Variants in BBS9 observed in about 807,000 individuals in gnomAD.
The protein encoded by BBS9 is Bardet-Biedl syndrome 9, also known as protein PTHB1.
In BBS9, 89 loss-of-function variants were observed where a neutral mutation model predicts 117.7. The observed-to-expected ratio is 0.76, with a 90% CI of 0.64 to 0.90. BBS9 has a LOEUF of 0.90. Among genes scored for constraint, BBS9 ranks in the 40% least tolerant of loss-of-function variants. BBS9 has a pLI of 0.00. For synonymous variants in BBS9, 379 were observed against 370.9 expected, an observed-to-expected ratio of 1.02 and a Z score of -0.25; for missense variants, 982 against 1,042.2, an observed-to-expected ratio of 0.94 and a Z score of 0.80.
At chr7:33,370,870 G>C (rs936445261) in intron 17 of BBS9, among the ~76,000 whole-genome samples, 1 of 151,880 alleles carries the variant, frequency 6.6e-6, no homozygotes, top group South Asian at 2.1e-4. Context: ...ACATTGCCTT[G>C]TTCTACTTGC....
intron 19 of BBS9, among the ~76,000 whole-genome samples, chr7:33,466,470 G>A (rs527467669): frequency 1.3e-5 from 2 of 152,178 alleles, no homozygotes; most frequent in East Asian, 1.9e-4. Flanking sequence ...CTTGCAAATG[G>A]CAGGGCTAAC....
At chr7:33,491,430 G>T (rs1264521759) in intron 19 of BBS9, among the ~76,000 whole-genome samples, 1 of 152,180 alleles carries the variant, frequency 6.6e-6, no homozygotes, top group Non-Finnish European at 1.5e-5. Flanking sequence ...TATTGGCTCT[G>T]CCTCACAACT....
At chr7:33,308,525 A>T (rs1808504605) in intron 9 of BBS9, among the ~76,000 whole-genome samples, 1 of 152,194 alleles carries the variant, frequency 6.6e-6, no homozygotes, top group African/African-American at 2.4e-5. Context: ...CTGGTTATTC[A>T]CTAACGGTCT....
Position 33,223,683 on chromosome 7 carries a change from C to CTT in BBS9, c.443-33543_443-33542dup, listed in dbSNP as rs138070128. 2.7e-5 allele frequency among the ~76,000 whole-genome samples: 4 copies of CTT among 147,814 alleles called. No individual in the cohort carries two copies. The East Asian group carries it at 5.9e-4, about 22-fold the overall frequency. On this transcript the variant is annotated intron_variant, in intron 5 of 22. Coordinates refer to ENST00000242067, the MANE Select transcript of BBS9 (RefSeq NM_198428.3). ...GCTCTCTTACACTTTTAAAATTTGT[C>CTT]TTTTTTTTTTTCACTAGATTATGAG...
At chr7:33,626,826 G>T (rs546068056) in intron 21 of BBS9, among the ~76,000 whole-genome samples, 43 of 152,304 alleles carry the variant, frequency 2.8e-4, no homozygotes, top group African/African-American at 9.9e-4. Flanking sequence ...ACAGTATATG[G>T]TCATGTGCAT....
At chr7:33,389,515 C>G (rs769204525) in intron 19 of BBS9, among the ~76,000 whole-genome samples, 34 of 151,826 alleles carry the variant, frequency 2.2e-4, no homozygotes, top group Admixed American at 2.0e-4. Flanking sequence ...CAGTGAAACC[C>G]TGTCTCTACT....
intron 4 of BBS9, among the ~76,000 whole-genome samples, chr7:33,157,441 C>T (rs1236285521): frequency 6.6e-6 from 1 of 152,170 alleles, no homozygotes; most frequent in Non-Finnish European, 1.5e-5. Flanking sequence ...AAACTACATT[C>T]TCTTAGGCCC....
intron 9 of BBS9, among the ~76,000 whole-genome samples, chr7:33,287,697 G>C (rs1002605634): frequency 6.6e-6 from 1 of 152,072 alleles, no homozygotes; most frequent in Non-Finnish European, 1.5e-5. Context: ...TTTAAAATAA[G>C]TGTAAAATAA....
intron 11 of BBS9, among the ~76,000 whole-genome samples, chr7:33,343,608 C>T (rs1361900922): frequency 1.3e-5 from 2 of 151,912 alleles, no homozygotes; most frequent in East Asian, 3.9e-4. Context: ...AAGCAATTCT[C>T]CTGTCTCAGC....
At chr7:33,525,976 TGTAAA>T (rs1849429168) in intron 20 of BBS9, among the ~76,000 whole-genome samples, 1 of 151,708 alleles carries the variant, frequency 6.6e-6, no homozygotes, top group Non-Finnish European at 1.5e-5. Context: ...TTTGCTTGTC[TGTAAA>T]GTATTTTATT....
chr7:33,357,523 G>A (rs1362870446), intron 15 of BBS9, among the ~76,000 whole-genome samples: 1 of 151,660 alleles, frequency 6.6e-6, no homozygotes, highest in Non-Finnish European at 1.5e-5. Flanking sequence ...GAGCTCTGAA[G>A]GTCTTAAAGA....
intron 4 of BBS9, among the ~76,000 whole-genome samples, chr7:33,166,150 T>C (rs1795646727): frequency 6.6e-6 from 1 of 152,220 alleles, no homozygotes; most frequent in African/African-American, 2.4e-5. Flanking sequence ...ACTGTTTGTC[T>C]GGGTATCAGC....
chr7:33,516,110 G>T (rs368921828), intron 20 of BBS9, among the ~76,000 whole-genome samples: 1 of 152,100 alleles, frequency 6.6e-6, no homozygotes, highest in Non-Finnish European at 1.5e-5. Flanking sequence ...TAGCATGACC[G>T]GAACCTGAAA....
intron 6 of BBS9, among the ~76,000 whole-genome samples, chr7:33,258,208 G>T (rs1409718862): frequency 6.6e-6 from 1 of 152,160 alleles, no homozygotes; most frequent in Non-Finnish European, 1.5e-5. Context: ...TGTCTTACTG[G>T]TGGCAACATT....
intron 5 of BBS9, among the ~76,000 whole-genome samples, chr7:33,200,908 A>G (rs1211815944): frequency 6.6e-5 from 10 of 152,190 alleles, no homozygotes; most frequent in Admixed American, 6.5e-4. Context: ...TTTATTGGCT[A>G]TCAATTTCTA....
chr7:33,604,033 CTGTG>C (rs1268548555), intron 21 of BBS9, among the ~76,000 whole-genome samples: 2 of 152,132 alleles, frequency 1.3e-5, no homozygotes, highest in Non-Finnish European at 2.9e-5. Context: ...GCTTTGGACT[CTGTG>C]TGTGAGAAGC....
intron 5 of BBS9, among the ~76,000 whole-genome samples, chr7:33,215,940 C>T (rs1268204134): frequency 6.6e-6 from 1 of 152,116 alleles, no homozygotes; most frequent in Non-Finnish European, 1.5e-5. Context: ...TTTCTTTTGT[C>T]TTACAAATAT....
chr7:33,149,440 CAGA>C (rs3082893), intron 2 of BBS9, among the ~76,000 whole-genome samples: 22,651 of 152,108 alleles, frequency 0.15, 1,870 homozygotes, highest in Non-Finnish European at 0.18. Context: ...GAGTAAAACA[CAGA>C]AGGATTCCTT....
intron 9 of BBS9, among the ~76,000 whole-genome samples, chr7:33,316,400 T>C (rs1342763054): frequency 6.7e-6 from 1 of 149,570 alleles, no homozygotes; most frequent in African/African-American, 2.5e-5. Flanking sequence ...TTCATTTATC[T>C]TGGCTAAATG....
Sources: allele counts gnomAD v4.1 joint callset (sites outside exome capture counted in the v4.1 genomes callset), GRCh38; gene constraint gnomAD v4.1.1; transcripts MANE v1.5; gene names NCBI Gene and HGNC (gene_info 2026-07-23, HGNC 2026-07-21).